Variants in ZNF385D observed in about 807,000 individuals in gnomAD.
ZNF385D encodes zinc finger protein 385D.
ZNF385D carries 15 observed loss-of-function variants against 35.8 expected under a neutral mutation model. The ratio of observed to expected loss-of-function variants is 0.42; its 90% CI spans 0.28 to 0.64. The LOEUF is 0.64. Among genes scored for constraint, ZNF385D ranks in the 30% least tolerant of loss-of-function variants. The pLI is 0.23. For synonymous variants in ZNF385D, 212 were observed against 186.8 expected, an observed-to-expected ratio of 1.13 and a Z score of -1.10; for missense variants, 474 against 494.6, an observed-to-expected ratio of 0.96 and a Z score of 0.39.
intron 5 of ZNF385D, among the ~76,000 whole-genome samples, chr3:21,426,104 G>C (rs1057325635): frequency 6.6e-6 from 1 of 152,156 alleles, no homozygotes; most frequent in Non-Finnish European, 1.5e-5. Flanking sequence ...TGTGTAACAA[G>C]TGTAATCAGT....
intron 3 of ZNF385D, among the ~76,000 whole-genome samples, chr3:22,014,506 C>T (rs2125443263): frequency 6.6e-6 from 1 of 152,204 alleles, no homozygotes; most frequent in Admixed American, 6.6e-5. Context: ...ACCAATGCAA[C>T]AGTATGTAAA....
intron 3 of ZNF385D, among the ~76,000 whole-genome samples, chr3:21,814,308 C>T (rs1260825497): frequency 6.6e-6 from 1 of 152,118 alleles, no homozygotes; most frequent in African/African-American, 2.4e-5. Flanking sequence ...GCAAAATAAC[C>T]AGCTAACATC....
At chr3:21,993,596 C>T (rs1420441701) in intron 3 of ZNF385D, among the ~76,000 whole-genome samples, 1 of 152,066 alleles carries the variant, frequency 6.6e-6, no homozygotes, top group Non-Finnish European at 1.5e-5. Flanking sequence ...TGATTAGGTA[C>T]TTTGGAACAT....
intron 3 of ZNF385D, among the ~76,000 whole-genome samples, chr3:22,053,106 C>G (rs1482037466): frequency 1.2e-5 from 1 of 81,626 alleles, no homozygotes; most frequent in Non-Finnish European, 2.5e-5. Flanking sequence ...GCCTCGTTGC[C>G]GCCTTGCAGT....
rs147741709 is a variant in ZNF385D, at chr3:22,146,675, A to G, written c.325+22142T>C. On this transcript the variant is annotated intron_variant, in intron 3 of 5. Coordinates refer to the ZNF385D transcript ENST00000494108. ...ATCAATGAATGAATAAACACATTATATAACACTTATGATTTTACCTAGAAA... is the reference window on the plus strand; with the variant it reads ...ATCAATGAATGAATAAACACATTATGTAACACTTATGATTTTACCTAGAAA... Among the ~76,000 whole-genome samples the G allele has an allele frequency of 8.3e-4, 127 of 152,346 alleles. 1 individual carries two copies. The East Asian group carries it at 0.011, about 13-fold the overall frequency.
intron 2 of ZNF385D, among the ~76,000 whole-genome samples, chr3:22,334,104 A>G (rs993032262): frequency 6.6e-6 from 1 of 152,188 alleles, no homozygotes; most frequent in Non-Finnish European, 1.5e-5. Context: ...CATGTCTCTT[A>G]TAAGTCCATA....
chr3:21,843,008 G>A (rs779758406), intron 3 of ZNF385D, among the ~76,000 whole-genome samples: 1 of 151,962 alleles, frequency 6.6e-6, no homozygotes, highest in East Asian at 1.9e-4. Flanking sequence ...GCAAAAGCTT[G>A]GTCCTTATTT....
At chr3:22,014,124 G>A (rs1211064447) in intron 3 of ZNF385D, among the ~76,000 whole-genome samples, 2 of 151,968 alleles carry the variant, frequency 1.3e-5, no homozygotes, top group East Asian at 1.9e-4. Flanking sequence ...GCTATCATAT[G>A]ACTAAATATA....
At chr3:22,348,635 C>G (rs1464260105) in intron 2 of ZNF385D, among the ~76,000 whole-genome samples, 1 of 150,874 alleles carries the variant, frequency 6.6e-6, no homozygotes, top group East Asian at 2.0e-4. Context: ...ATTGCACTCT[C>G]CAGCCTGGGC....
intron 3 of ZNF385D, among the ~76,000 whole-genome samples, chr3:22,071,200 A>T (rs1411115947): frequency 6.6e-6 from 1 of 152,172 alleles, no homozygotes. Flanking sequence ...TTTAAAAGCT[A>T]AATTCATAAT....
chr3:21,759,251 C>G (rs1048652927), intron 3 of ZNF385D, among the ~76,000 whole-genome samples: 5 of 151,978 alleles, frequency 3.3e-5, no homozygotes, highest in Non-Finnish European at 7.3e-5. Flanking sequence ...GGAACTTAAG[C>G]CCTGTCTTTA....
At chr3:21,732,903 C>T (rs1263447246) in intron 1 of ZNF385D, among the ~76,000 whole-genome samples, 3 of 152,114 alleles carry the variant, frequency 2.0e-5, no homozygotes, top group Non-Finnish European at 2.9e-5. Context: ...GATGAAGTCC[C>T]GCTTATCAAT....
At chr3:21,536,549 T>C (rs2062039679) in intron 3 of ZNF385D, among the ~76,000 whole-genome samples, 1 of 152,082 alleles carries the variant, frequency 6.6e-6, no homozygotes, top group Non-Finnish European at 1.5e-5. Context: ...AGCATCATGA[T>C]ATTTATTTGG....
chr3:21,787,670 C>T (rs1410772057), intron 3 of ZNF385D, among the ~76,000 whole-genome samples: 11 of 152,114 alleles, frequency 7.2e-5, no homozygotes, highest in African/African-American at 2.7e-4. Context: ...GCCATCAATT[C>T]ATTAACATGC....
rs147422366 is a variant in ZNF385D at position 21,513,600 on chromosome 3, G to A, written c.277-2577C>T. Among the ~76,000 whole-genome samples, 298 of 152,180 alleles carry A rather than the reference G, an allele frequency of 2.0e-3. 1 individual carries two copies. The highest frequency in any genetic ancestry group is 7.0e-3 in the African/African-American group (290 of 41,540). On this transcript the variant is annotated intron_variant, in intron 3 of 7. Coordinates refer to ENST00000281523, the MANE Select transcript of ZNF385D (RefSeq NM_024697.3). ...AAACCAAGACATGTAGAATTTAGGA[G>A]AAATTGAGTATAGTGGGGTGATGGT...
upstream of ZNF385D, among the ~76,000 whole-genome samples, chr3:21,751,586 G>C (rs1402668528): frequency 6.6e-6 from 1 of 152,054 alleles, no homozygotes. Flanking sequence ...ATGGTGCCGT[G>C]CTTGCATTCT....
rs1699779901 is a variant in ZNF385D, at chr3:21,908,122, C to CTATA, written c.326-243095_326-243094insTATA. 1.1e-4 allele frequency among the ~76,000 whole-genome samples: 4 copies of CTATA among 37,728 alleles called. No homozygotes were observed. In the South Asian group the frequency reaches 3.4e-3, roughly 32 times the overall value. The allele number at this position is 37,728 out of a possible 152,430, so 24.8% of individuals were successfully genotyped here. On this transcript the variant is annotated intron_variant, in intron 3 of 5. Transcript: ENST00000494108. ...TATCTATATATCTTTCTCTCTATAT[C>CTATA]TATCTATCTATCTATCTATCTATCT...
At chr3:22,218,317 A>G (rs1698021677) in intron 2 of ZNF385D, among the ~76,000 whole-genome samples, 1 of 151,990 alleles carries the variant, frequency 6.6e-6, no homozygotes, top group East Asian at 1.9e-4. Context: ...ACTTTTATGT[A>G]TTTTTATAAA....
intron 3 of ZNF385D, among the ~76,000 whole-genome samples, chr3:21,779,126 C>A (rs750057953): frequency 3.5e-4 from 53 of 152,008 alleles, no homozygotes; most frequent in Admixed American, 2.2e-3. Context: ...GTGGAAAATG[C>A]CTAGGGATAA....
Sources: gnomAD v4.1 joint callset for allele counts (sites outside exome capture counted in the v4.1 genomes callset) on GRCh38, gnomAD v4.1.1 for gene constraint, MANE v1.5 for transcripts, NCBI Gene and HGNC (gene_info 2026-07-23, HGNC 2026-07-21) for gene names.